ARMC5: variants seen among roughly 807,000 people sequenced by gnomAD.
ARMC5 encodes armadillo repeat containing 5, also known as armadillo repeat-containing protein 5.
Under a neutral mutation model 60.5 loss-of-function variants are expected in ARMC5, and 28 were observed. That is an observed-to-expected ratio of 0.46 (90% CI 0.34 to 0.63). The LOEUF (loss-of-function observed/expected upper bound fraction) is 0.63. Among genes scored for constraint, ARMC5 ranks in the 30% least tolerant of loss-of-function variants. The pLI is 0.01. For missense variants in ARMC5, 1,189 were observed against 1,304.9 expected (o/e 0.91, Z 1.37); for synonymous variants, 680 against 607.3 (o/e 1.12, Z -1.76).
Position 31,462,897 on chromosome 16 carries a change from T to G in ARMC5, c.1350T>G (p.Gly450=), listed in dbSNP as rs1365692955. The change falls in exon 3 of 6, where the codon GGT becomes GGG. Residue 450 remains glycine (G), a synonymous_variant. Transcript: ENST00000268314. This position sits in a 1 kb window ranked among gnomAD's most constrained non-coding sequence, Gnocchi z 7.2. ...PEERTPERAQ[G]GSFRSLRSWL... is the part of the protein sequence containing the mutation. ...AGAGGACCCCTGAGCGGGCACAGGG[T>G]GGAAGCTTCCGGAGCCTCAGGTGAG... 1.9e-6 allele frequency: 3 copies of G among 1,602,940 alleles called. No homozygotes were observed. In the African/African-American group the frequency reaches 4.0e-5, roughly 21 times the overall value.
At chr16:31,458,313 C>T (rs2082264106), upstream of ARMC5, 5 of 1,251,416 alleles carry the variant, frequency 4.0e-6, no homozygotes, top group East Asian at 2.5e-5. Flanking sequence ...AGGCTTTTAG[C>T]GGTGTGAGCG....
rs2142577818 is a variant in ARMC5, at chr16:31,465,694, GT to G, written c.1865-154del. ...CTTCTGTCCTTGTCCTGGACCTCAG[GT>G]TCCCAGCGTCCCGAGCCCAGCACTG... On this transcript the variant is annotated intron_variant, in intron 4 of 5. Coordinates refer to ENST00000268314, the MANE Select transcript of ARMC5 (RefSeq NM_001105247.2). 2.7e-6 allele frequency: 4 copies of G among 1,454,692 alleles called. No individual in the cohort carries two copies. In the East Asian group the frequency reaches 7.6e-5, roughly 27 times the overall value. 90.1% of individuals were successfully genotyped at this position (1,454,692 alleles called of 1,614,324 possible).
Position 31,466,966 on chromosome 16 carries a change from G to A in ARMC5, c.*77G>A, listed in dbSNP as rs1411587064. On this transcript the variant is annotated 3_prime_UTR_variant, in exon 6 of 6. Transcript: ENST00000268314. This position sits in a 1 kb window ranked among gnomAD's most constrained non-coding sequence, Gnocchi z 8.0. ...ATCCTCCCTGAGACTGGCAAGGGAG[G>A]AGGCTGAGCAGAAGGAGTCATCATG... The A allele has an allele frequency of 7.1e-7, 1 of 1,418,222 alleles. No homozygotes were observed. The highest frequency in any genetic ancestry group is 9.2e-7 in the Non-Finnish European group (1 of 1,084,136). The allele number at this position is 1,418,222 out of a possible 1,614,324, so 87.9% of individuals were successfully genotyped here.
intron 1 of ARMC5, 88 bp from the exon 2 acceptor site, chr16:31,461,834 C>A: frequency 1.6e-6 from 2 of 1,254,452 alleles, no homozygotes; most frequent in South Asian, 1.2e-5. Context: ...TGAAAGCCTT[C>A]CAGGCCCTCT....
Position 31,466,215 on chromosome 16 carries a change from G to A in ARMC5, c.2134G>A (p.Val712Met). 1 of 1,613,538 alleles carries A rather than the reference G, an allele frequency of 6.2e-7. No homozygotes were observed. Among genetic ancestry groups the A allele is most frequent in the Non-Finnish European group, 8.5e-7 (1 of 1,179,868 alleles). Residue 712 changes from valine to methionine, a missense_variant, in exon 6 of 6, where the codon GTG becomes ATG. Val to Met is a conservative substitution (Grantham distance 21). Transcript: ENST00000268314. This position sits in a 1 kb window ranked among gnomAD's most constrained non-coding sequence, Gnocchi z 8.0. ...ADSLSCLQDL[V>M]SPTVSPAVPQ... ...CTCCCTTTCCTGCCTCCAAGACCTG[G>A]TGTCTCCCACTGTGAGCCCAGCTGT...
Position 31,461,983 on chromosome 16 carries a change from G to C in ARMC5, c.537G>C (p.Gly179=). The C allele has an allele frequency of 6.2e-7, 1 of 1,614,220 alleles. No homozygotes were observed. The highest frequency in any genetic ancestry group is 8.5e-7 in the Non-Finnish European group (1 of 1,180,036). ...SIQNRTARAL[G]NLAMEPESCG... Reference sequence around the variant, plus strand: ...AGAACCGAACGGCCCGTGCCCTGGGGAACTTAGCCATGGAACCTGAGAGCT... The same window carrying C: ...AGAACCGAACGGCCCGTGCCCTGGGCAACTTAGCCATGGAACCTGAGAGCT... Residue 179 remains glycine (G), a synonymous_variant, in exon 2 of 6, where the codon GGG becomes GGC. Coordinates refer to ENST00000268314, the MANE Select transcript of ARMC5 (RefSeq NM_001105247.2).
At chr16:31,463,245 C>T (rs1304298820) in intron 3 of ARMC5, among the ~76,000 whole-genome samples, 1 of 151,964 alleles carries the variant, frequency 6.6e-6, no homozygotes, top group Admixed American at 6.6e-5. Context: ...ATTACAGGTG[C>T]CGGCCACCAC....
At position 31,464,500 on chromosome 16, in the gene ARMC5, C is replaced by T. The variant is rs2082332288; in HGVS notation, c.1477C>T (p.Pro493Ser). ...PEPMEPASPA[P>S]TPTSLRAPRT... is the part of the protein sequence containing the mutation. ...GCCCATGGAGCCGGCCAGCCCCGCC[C>T]CGACCCCGACCTCGCTGCGGGCACC... Residue 493 changes from proline to serine, a missense_variant, in exon 4 of 6, where the codon CCG becomes TCG. By Grantham distance (74) the Pro-to-Ser change is moderately conservative (BLOSUM62 -1). Around this residue, in one of 2 missense-constraint regions of ARMC5, gnomAD observed 862 missense variants for 1,071.2 expected, o/e 0.80. Transcript: ENST00000268314. This position sits in a 1 kb window ranked among gnomAD's most constrained non-coding sequence, Gnocchi z 7.6. The T allele has an allele frequency of 1.2e-6, 2 of 1,607,640 alleles. No individual in the cohort carries two copies. Among genetic ancestry groups the T allele is most frequent in the South Asian group, 1.1e-5 (1 of 90,426 alleles).
Position 31,462,943 on chromosome 16 carries a change from A to C in ARMC5, c.1370+26A>C, listed in dbSNP as rs1438560115. ...GTGAGTCCCTGCCTCAGGGCTTGGG[A>C]GGGTGAGCAGTGCAGTGATGTGGGG... On this transcript the variant is annotated intron_variant, in intron 3 of 5. Coordinates refer to ENST00000268314, the MANE Select transcript of ARMC5 (RefSeq NM_001105247.2). The surrounding 1 kb of genome is among the most constrained non-coding windows in gnomAD (Gnocchi z 7.2). 1 of 1,527,666 alleles carries C rather than the reference A, an allele frequency of 6.5e-7. No homozygotes were observed. Among genetic ancestry groups the C allele is most frequent in the Middle Eastern group, 1.9e-4 (1 of 5,130 alleles). 94.6% of individuals were successfully genotyped at this position (1,527,666 alleles called of 1,614,324 possible). A position where few individuals can be genotyped will look rare whatever the true frequency, so the allele number is the denominator to read the frequency against.
At position 31,459,992 on chromosome 16, in the gene ARMC5, C is replaced by A. The variant is rs1165420387; in HGVS notation, c.468C>A (p.Leu156=). The A allele has an allele frequency of 1.3e-5, 21 of 1,596,936 alleles. No individual in the cohort carries two copies. Among genetic ancestry groups the A allele is most frequent in the Non-Finnish European group, 1.7e-5 (20 of 1,178,410 alleles). ...RTEVRRLGGI[L]PLVTILQCMK... is the part of the protein sequence containing the mutation. ...AAGTGCGCAGACTCGGAGGCATACTCCCTTTGGGTAAGTGCTCCGCCCCCG... is the reference window on the plus strand; with the variant it reads ...AAGTGCGCAGACTCGGAGGCATACTACCTTTGGGTAAGTGCTCCGCCCCCG... The change falls in exon 1 of 6, where the codon CTC becomes CTA. Residue 156 remains leucine (L), a synonymous_variant. Transcript: ENST00000268314.
rs752908182 is a variant in ARMC5 at position 31,459,898 on chromosome 16, T to C, written c.374T>C (p.Leu125Pro). 1.2e-5 allele frequency: 19 copies of C among 1,606,066 alleles called. No individual in the cohort carries two copies. Among genetic ancestry groups the C allele is most frequent in the Admixed American group, 1.7e-5 (1 of 60,010 alleles). Residue 125 changes from leucine (L) to proline (P), a missense_variant, in exon 1 of 6, where the codon CTG (leucine) becomes CCG (proline). Transcript: ENST00000268314. ...TCTAGTCCTACGCCGCCAGTGCGCC[T>C]GCGCAAGACGCTGGACTTGGCGCTC... ...SSSSPTPPVR[L>P]RKTLDLALSI...
upstream of ARMC5, chr16:31,458,853 G>A: frequency 3.3e-6 from 5 of 1,535,068 alleles, no homozygotes; most frequent in Non-Finnish European, 2.6e-6. Flanking sequence ...CCGTTTCCTA[G>A]ATGCCAGCTC....
Position 31,462,167 on chromosome 16 carries a change from G to A in ARMC5, c.620G>A (p.Cys207Tyr). 6.2e-7 allele frequency: 1 copy of A among 1,612,656 alleles called. No homozygotes were observed. Among genetic ancestry groups the A allele is most frequent in the Non-Finnish European group, 8.5e-7 (1 of 1,179,796 alleles). The change falls in exon 3 of 6, where the codon TGC (cysteine) becomes TAC (tyrosine). Residue 207 changes from cysteine (C) to tyrosine (Y), a missense_variant. Cys to Tyr is a radical substitution (Grantham distance 194). This residue lies in a region of ARMC5 where 862 missense variants were observed against 1,071.2 expected (regional missense o/e 0.80). Transcript: ENST00000268314. The surrounding 1 kb of genome is among the most constrained non-coding windows in gnomAD (Gnocchi z 7.2). ...CTGCTTGTGGAGAGCCTGACAGCCT[G>A]CCAGGACTCGCAGTGCCTACAGAGC... is the stretch of plus-strand genomic sequence containing the variant. ...VPLLVESLTA[C>Y]QDSQCLQSVV... is the part of the protein sequence containing the mutation.
Position 31,464,869 on chromosome 16 carries a change from A to C in ARMC5, c.1846A>C (p.Ser616Arg), listed in dbSNP as rs748646222. The part of the protein sequence containing the change: ...PAPRARPTLH[S>R]RHRELGERLL... ...ACCACGTGCCCGGCCCACTCTCCAC[A>C]GCCGGCACCGAGAGCTGGGTGAGTT... The change falls in exon 4 of 6, where the codon AGC becomes CGC. Residue 616 changes from serine (S) to arginine (R), a missense_variant. Ser to Arg is a moderately radical substitution (Grantham distance 110, BLOSUM62 -1). This residue lies in a region of ARMC5 where 862 missense variants were observed against 1,071.2 expected (regional missense o/e 0.80). Coordinates refer to ENST00000268314, the MANE Select transcript of ARMC5 (RefSeq NM_001105247.2). This position sits in a 1 kb window ranked among gnomAD's most constrained non-coding sequence, Gnocchi z 7.6. The C allele has an allele frequency of 6.2e-6, 10 of 1,601,016 alleles. No individual in the cohort carries two copies. Among genetic ancestry groups the C allele is most frequent in the Non-Finnish European group, 8.5e-6 (10 of 1,179,060 alleles).
At chr16:31,465,132 C>T (rs780276634) in intron 4 of ARMC5, 1 of 1,613,812 alleles carries the variant, frequency 6.2e-7, no homozygotes, top group Non-Finnish European at 8.5e-7. Flanking sequence ...CTAGATGCAG[C>T]CCCGCGCCCA....
Position 31,462,989 on chromosome 16 carries a change from C to T in ARMC5, c.1370+72C>T, listed in dbSNP as rs1280092598. On this transcript the variant is annotated intron_variant, in intron 3 of 5. Transcript: ENST00000268314. This position sits in a 1 kb window ranked among gnomAD's most constrained non-coding sequence, Gnocchi z 7.2. The stretch of plus-strand genomic sequence containing the variant: ...TGGGGTTTGTGTCTGTCTTGGTCCT[C>T]TTCACTACCTCCACCCCTATTCTGT... The T allele has an allele frequency of 1.8e-5, 25 of 1,371,916 alleles. No homozygotes were observed. The highest frequency in any genetic ancestry group is 2.5e-5 in the East Asian group (1 of 39,858). 85.0% of individuals were successfully genotyped at this position (1,371,916 alleles called of 1,614,324 possible).
chr16:31,458,332 C>A, upstream of ARMC5: 1 of 1,416,270 alleles, frequency 7.1e-7, no homozygotes, highest in Non-Finnish European at 9.6e-7. Context: ...CGCGCTGGTG[C>A]TGGATCAGGT....
rs778422149 is a variant in ARMC5, at chr16:31,466,371, C to G, written c.2290C>G (p.Arg764Gly). 6.2e-7 allele frequency: 1 copy of G among 1,612,976 alleles called. No homozygotes were observed. The highest frequency in any genetic ancestry group is 2.2e-5 in the East Asian group (1 of 44,884). The change falls in exon 6 of 6, where the codon CGA (arginine) becomes GGA (glycine). Residue 764 changes from arginine (R) to glycine (G), a missense_variant. By Grantham distance (125) the Arg-to-Gly change is moderately radical (BLOSUM62 -2). Around this residue, in one of 2 missense-constraint regions of ARMC5, gnomAD observed 862 missense variants for 1,071.2 expected, o/e 0.80. Coordinates refer to ENST00000268314, the MANE Select transcript of ARMC5 (RefSeq NM_001105247.2). This position sits in a 1 kb window ranked among gnomAD's most constrained non-coding sequence, Gnocchi z 8.0. ...CTCAGGCCTCCAGCTCCCTGCCCAGCGAGCGGCCTCAGCCACCGCCTCCCC... is the reference window on the plus strand; with the variant it reads ...CTCAGGCCTCCAGCTCCCTGCCCAGGGAGCGGCCTCAGCCACCGCCTCCCC... ...LDSGLQLPAQ[R>G]AASATASPFF... is the part of the protein sequence containing the mutation.
At position 31,459,644 on chromosome 16, in the gene ARMC5, G is replaced by C. The variant is rs760653287; in HGVS notation, c.120G>C (p.Leu40=). 6.3e-7 allele frequency: 1 copy of C among 1,592,712 alleles called. No individual in the cohort carries two copies. Among genetic ancestry groups the C allele is most frequent in the Non-Finnish European group, 8.5e-7 (1 of 1,176,936 alleles). Residue 40 remains leucine (L), a synonymous_variant, in exon 1 of 6, where the codon CTG becomes CTC. Transcript: ENST00000268314. ...EKDPATNETP[L]SRALLALRTR... ...ACCCAGCGACCAACGAGACACCCCTGAGCCGCGCGCTCCTAGCCCTCCGCA... is the reference window on the plus strand; with the variant it reads ...ACCCAGCGACCAACGAGACACCCCTCAGCCGCGCGCTCCTAGCCCTCCGCA...
Sources: allele counts gnomAD v4.1 joint callset (sites outside exome capture counted in the v4.1 genomes callset), GRCh38; gene constraint gnomAD v4.1.1; regional missense constraint gnomAD v4.1.1; non-coding constraint Gnocchi (gnomAD v3.1); transcripts MANE v1.5; gene names NCBI Gene and HGNC (gene_info 2026-07-23, HGNC 2026-07-21).